SELP: variants seen among roughly 807,000 people sequenced by gnomAD.
The protein encoded by SELP is selectin P, also known as P-selectin.
In SELP, 92 loss-of-function variants were observed where a neutral mutation model predicts 104.1. The observed-to-expected ratio is 0.88, with a 90% CI of 0.75 to 1.05. The LOEUF (loss-of-function observed/expected upper bound fraction) is 1.05. SELP is among the 50% of genes least tolerant of loss of function. The pLI is 0.00. For missense variants in SELP, 1,022 were observed against 1,017.3 expected, an observed-to-expected ratio of 1.00 and a Z score of -0.06; for synonymous variants, 397 against 364.5, an observed-to-expected ratio of 1.09 and a Z score of -1.01.
chr1:169,605,475 G>C (rs572140082), intron 9 of SELP, among the ~76,000 whole-genome samples: 1 of 150,984 alleles, frequency 6.6e-6, no homozygotes, highest in East Asian at 2.0e-4. Context: ...CTTAACAATG[G>C]GGTGTGTGTG....
chr1:169,603,307 CTGTGTGTGTGTGTGTGTG>C (rs3035296), intron 9 of SELP, 96 bp from the exon 10 acceptor site: 40 of 605,688 alleles, frequency 6.6e-5, no homozygotes, highest in Admixed American at 5.2e-4. Context: ...CTCTCTCTCT[CTGTGTGTGTGTGTGTGTG>C]TGTGTGTGTG....
intron 3 of SELP, 29 bp from the exon 4 acceptor site, chr1:169,613,722 T>A (rs770324463): frequency 6.3e-7 from 1 of 1,582,930 alleles, no homozygotes; most frequent in Admixed American, 1.7e-5. Flanking sequence ...GTCAGAGTCA[T>A]GGACATTCAC....
chr1:169,606,838 T>C (rs1662228081), intron 9 of SELP, 111 bp downstream of exon 9: 1 of 979,232 alleles, frequency 1.0e-6, no homozygotes, highest in Middle Eastern at 3.2e-4. Context: ...ATTTATGAAT[T>C]TTCCAGTCCA....
At chr1:169,619,785 T>C (rs1167136127) in intron 1 of SELP, among the ~76,000 whole-genome samples, 1 of 152,204 alleles carries the variant, frequency 6.6e-6, no homozygotes, top group Non-Finnish European at 1.5e-5. Context: ...AATATACATA[T>C]GTATGTATAT....
intron 6 of SELP, 86 bp from the exon 7 acceptor site, chr1:169,611,763 A>G: frequency 7.6e-7 from 1 of 1,316,256 alleles, no homozygotes; most frequent in Non-Finnish European, 1.1e-6. Flanking sequence ...CACCTCTGAA[A>G]TGCAGGTGGA....
Position 169,589,409 on chromosome 1 carries a change from A to G in SELP, c.*54T>C, listed in dbSNP as rs1036190776. ...CAGAGCGGGTCCAACAGGCTGGTCC[A>G]GAGCTAATCTAAGGTAATTCCATGT... On this transcript the variant is annotated 3_prime_UTR_variant, in exon 17 of 17. Coordinates refer to ENST00000263686, the MANE Select transcript of SELP (RefSeq NM_003005.4). The G allele has an allele frequency of 1.3e-5, 2 of 152,244 alleles. No homozygotes were observed. The highest frequency in any genetic ancestry group is 4.8e-5 in the African/African-American group (2 of 41,450). 9.4% of individuals were successfully genotyped at this position (152,244 alleles called of 1,614,324 possible).
At chr1:169,601,634 A>G (rs1016712882) in intron 10 of SELP, among the ~76,000 whole-genome samples, 1 of 152,184 alleles carries the variant, frequency 6.6e-6, no homozygotes, top group African/African-American at 2.4e-5. Flanking sequence ...GACTTACCTG[A>G]GATTCAGAAG....
intron 9 of SELP, among the ~76,000 whole-genome samples, chr1:169,603,573 G>T (rs1302289158): frequency 6.6e-6 from 1 of 152,124 alleles, no homozygotes; most frequent in African/African-American, 2.4e-5. Flanking sequence ...CTAGACAGGG[G>T]TGGAACTGGT....
chr1:169,617,269 A>G lies in SELP; in HGVS notation c.240T>C (p.Asn80=). 6.2e-7 allele frequency: 1 copy of G among 1,614,064 alleles called. No individual in the cohort carries two copies. The highest frequency in any genetic ancestry group is 8.5e-7 in the Non-Finnish European group (1 of 1,180,008). Residue 80 remains asparagine, a synonymous_variant, in exon 3 of 17, where the codon AAT becomes AAC. Transcript: ENST00000263686. ...AGGAGCTGTAGTAGGGTAGGACCTT[A>G]TTGAGGTAATCAATTTCATTTTTAT... ...IQNKNEIDYL[N]KVLPYYSSYY...
Position 169,611,488 on chromosome 1 carries a change from C to T in SELP, c.1147+4G>A. ...GAATGGAGGTTGCTAATGAAAAATC[C>T]TACCCTCACAGGTTGGCAAGGGTGC... On this transcript the variant is annotated splice_donor_region_variant and intron_variant, in intron 7 of 16. Coordinates refer to ENST00000263686, the MANE Select transcript of SELP (RefSeq NM_003005.4). The T allele has an allele frequency of 6.2e-7, 1 of 1,613,408 alleles. No individual in the cohort carries two copies. Among genetic ancestry groups the T allele is most frequent in the African/African-American group, 1.3e-5 (1 of 74,984 alleles).
intron 4 of SELP, 37 bp downstream of exon 4, chr1:169,613,549 T>C: frequency 6.4e-7 from 1 of 1,550,786 alleles, no homozygotes; most frequent in African/African-American, 1.4e-5. Flanking sequence ...ATCTCTAGCA[T>C]AAAACCAAAA....
intron 9 of SELP, among the ~76,000 whole-genome samples, chr1:169,605,858 T>C (rs1345884332): frequency 6.6e-6 from 1 of 152,144 alleles, no homozygotes; most frequent in Non-Finnish European, 1.5e-5. Flanking sequence ...AAAAGCAGCA[T>C]TGTCTATAAA....
chr1:169,613,470 A>G (rs933641828), intron 4 of SELP, 116 bp downstream of exon 4: 1 of 756,456 alleles, frequency 1.3e-6, no homozygotes, highest in Non-Finnish European at 2.3e-6. Context: ...GACAGATGAT[A>G]GAGGGGGGCT....
chr1:169,605,042 A>G (rs1026422694), intron 9 of SELP, among the ~76,000 whole-genome samples: 1 of 152,200 alleles, frequency 6.6e-6, no homozygotes, highest in Non-Finnish European at 1.5e-5. Context: ...AGGGAACTGG[A>G]AGGTCACAGG....
intron 9 of SELP, among the ~76,000 whole-genome samples, chr1:169,606,237 A>G (rs1014163755): frequency 6.6e-6 from 1 of 152,208 alleles, no homozygotes; most frequent in Non-Finnish European, 1.5e-5. Context: ...GAATTGCTTG[A>G]ACCCGGGAGG....
chr1:169,601,119 G>A (rs1405034771), intron 10 of SELP, among the ~76,000 whole-genome samples: 1 of 152,226 alleles, frequency 6.6e-6, no homozygotes, highest in Non-Finnish European at 1.5e-5. Context: ...GCCTTAAAAT[G>A]TGGGAAAATA....
At position 169,591,304 on chromosome 1, in the gene SELP, G is replaced by A; in HGVS notation, c.2438+122C>T. The A allele has an allele frequency of 8.6e-6, 5 of 579,724 alleles. 1 individual carries two copies. The East Asian group carries it at 9.8e-5, about 11-fold the overall frequency. The allele number at this position is 579,724 out of a possible 1,614,324, so 35.9% of individuals were successfully genotyped here. A position where few individuals can be genotyped will look rare whatever the true frequency, so the allele number is the denominator to read the frequency against. ...TATTTTACTTCAGAGTAGAAAAGAA[G>A]ACATTGCAAAAGACATTGTAAAAAG... On this transcript the variant is annotated intron_variant, in intron 15 of 16. Transcript: ENST00000263686.
intron 8 of SELP, among the ~76,000 whole-genome samples, chr1:169,607,545 G>A (rs1262394301): frequency 6.6e-6 from 1 of 152,054 alleles, no homozygotes; most frequent in Non-Finnish European, 1.5e-5. Context: ...AATGTTAAAG[G>A]TCACTAAAAA....
At chr1:169,619,935 G>T (rs1259266195) in intron 1 of SELP, among the ~76,000 whole-genome samples, 1 of 152,106 alleles carries the variant, frequency 6.6e-6, no homozygotes, top group Non-Finnish European at 1.5e-5. Flanking sequence ...AGGCACAGTG[G>T]CTCATGCCTG....
Sources: gnomAD v4.1 joint callset for allele counts (sites outside exome capture counted in the v4.1 genomes callset) on GRCh38, gnomAD v4.1.1 for gene constraint, MANE v1.5 for transcripts, NCBI Gene and HGNC (gene_info 2026-07-23, HGNC 2026-07-21) for gene names.